The following SLC24A2 variants were observed in gnomAD, a reference collection of about 807,000 sequenced individuals.
SLC24A2 encodes sodium/potassium/calcium exchanger 2.
SLC24A2 carries 36 observed loss-of-function variants against 62.0 expected under a neutral mutation model. The ratio of observed to expected loss-of-function variants is 0.58; its 90% CI spans 0.44 to 0.77. The LOEUF (loss-of-function observed/expected upper bound fraction) is 0.77, where lower values mean the gene tolerates loss of function less well. SLC24A2 is among the 30% of genes least tolerant of loss of function. SLC24A2 has a pLI of 0.00. For synonymous variants in SLC24A2, 358 were observed against 294.0 expected, an observed-to-expected ratio of 1.22 and a Z score of -2.23; for missense variants, 846 against 817.9, an observed-to-expected ratio of 1.03 and a Z score of -0.42.
the SLC24A2 span, among the ~76,000 whole-genome samples, chr9:20,120,747 C>A: frequency 2.0e-5 from 3 of 152,010 alleles, no homozygotes; most frequent in East Asian, 5.8e-4. Flanking sequence ...TTTGCCTAAT[C>A]CAAGGTTGCA....
the SLC24A2 span, among the ~76,000 whole-genome samples, chr9:20,089,964 C>G: frequency 6.6e-6 from 1 of 152,126 alleles, no homozygotes; most frequent in Admixed American, 6.5e-5. Flanking sequence ...CTCTGTGTTT[C>G]TAAGACAGGG....
At chr9:20,271,426 C>A in the SLC24A2 span, among the ~76,000 whole-genome samples, 1 of 152,178 alleles carries the variant, frequency 6.6e-6, no homozygotes, top group Non-Finnish European at 1.5e-5. Flanking sequence ...TGGGTTTTGC[C>A]AGATATATGC....
In SLC24A2 at chr9:19,554,600, C is replaced by A. The variant is rs906277519; in HGVS notation, c.1348-4332G>T. Among the ~76,000 whole-genome samples, 4 of 152,310 alleles carry A rather than the reference C, an allele frequency of 2.6e-5. No individual in the cohort carries two copies. In the East Asian group the frequency reaches 7.7e-4, roughly 29 times the overall value. Reference sequence around the variant, plus strand: ...AATAAAGACTCTGGTTTTCAGCCTTCTCGGCAAGGTGTGGCAATGTGATTA... The same window carrying A: ...AATAAAGACTCTGGTTTTCAGCCTTATCGGCAAGGTGTGGCAATGTGATTA... On this transcript the variant is annotated intron_variant, in intron 7 of 10. Transcript: ENST00000341998.
At chr9:20,065,234 T>A in the SLC24A2 span, among the ~76,000 whole-genome samples, 4 of 152,232 alleles carry the variant, frequency 2.6e-5, no homozygotes, top group Non-Finnish European at 5.9e-5. Context: ...ACTTCCTCTC[T>A]GCGTAAGAGT....
At chr9:19,556,475 T>C (rs16937604) in intron 7 of SLC24A2, among the ~76,000 whole-genome samples, 27,854 of 152,086 alleles carry the variant, frequency 0.18, 3,902 homozygotes, top group African/African-American at 0.39. Flanking sequence ...AAGTGAAAAC[T>C]CAGGAGGCAT....
the SLC24A2 span, among the ~76,000 whole-genome samples, chr9:20,216,275 A>T: frequency 3.3e-5 from 5 of 152,346 alleles, no homozygotes; most frequent in East Asian, 9.6e-4. Context: ...GATGAAAAGG[A>T]TGACCTGTCA....
At chr9:20,302,157 C>T in the SLC24A2 span, among the ~76,000 whole-genome samples, 1 of 152,120 alleles carries the variant, frequency 6.6e-6, no homozygotes, top group Non-Finnish European at 1.5e-5. Flanking sequence ...ATCCTGTTTC[C>T]AAGTTTTTGG....
chr9:19,986,159 G>A, the SLC24A2 span, among the ~76,000 whole-genome samples: 2 of 152,006 alleles, frequency 1.3e-5, no homozygotes, highest in African/African-American at 4.8e-5. Flanking sequence ...ATATACAAAT[G>A]ACCAATAAGC....
the SLC24A2 span, among the ~76,000 whole-genome samples, chr9:19,944,305 A>G: frequency 6.6e-6 from 1 of 152,178 alleles, no homozygotes; most frequent in Non-Finnish European, 1.5e-5. Context: ...TTTAAAAGCC[A>G]CTTACAATGT....
chr9:19,553,064 C>T (rs1834921527), intron 7 of SLC24A2, among the ~76,000 whole-genome samples: 1 of 152,142 alleles, frequency 6.6e-6, no homozygotes, highest in South Asian at 2.1e-4. Flanking sequence ...CAGGGAAGTA[C>T]AGGAACCTAG....
At chr9:19,953,308 A>G in the SLC24A2 span, among the ~76,000 whole-genome samples, 1 of 152,056 alleles carries the variant, frequency 6.6e-6, no homozygotes, top group Non-Finnish European at 1.5e-5. Context: ...TTAGAAGCAC[A>G]TGAAAACATA....
At chr9:20,167,651 G>A in the SLC24A2 span, among the ~76,000 whole-genome samples, 1 of 151,984 alleles carries the variant, frequency 6.6e-6, no homozygotes, top group Non-Finnish European at 1.5e-5. Flanking sequence ...CAAGGTATAA[G>A]GTGAGACTAG....
the SLC24A2 span, among the ~76,000 whole-genome samples, chr9:20,030,417 C>A: frequency 6.6e-6 from 1 of 152,124 alleles, no homozygotes; most frequent in Non-Finnish European, 1.5e-5. Flanking sequence ...TCCTGTACAA[C>A]CATGCAGAAA....
At chr9:20,212,132 CAA>C in the SLC24A2 span, among the ~76,000 whole-genome samples, 1 of 148,886 alleles carries the variant, frequency 6.7e-6, no homozygotes, top group Non-Finnish European at 1.5e-5. Context: ...TAAAAAGACA[CAA>C]AAATATTAAA....
the SLC24A2 span, among the ~76,000 whole-genome samples, chr9:19,885,418 T>A: frequency 1.3e-5 from 2 of 152,202 alleles, no homozygotes; most frequent in African/African-American, 4.8e-5. Context: ...CTTTAATGTA[T>A]AGAGAACTTA....
intron 8 of SLC24A2, among the ~76,000 whole-genome samples, chr9:19,534,460 A>C (rs995831658): frequency 2.0e-5 from 3 of 152,016 alleles, no homozygotes; most frequent in Non-Finnish European, 1.5e-5. Context: ...TGCACCCATC[A>C]ACCTGTCACC....
chr9:19,915,928 ATTAT>A, the SLC24A2 span, among the ~76,000 whole-genome samples: 3 of 151,902 alleles, frequency 2.0e-5, no homozygotes, highest in African/African-American at 7.3e-5. Context: ...TTTAAGTCCA[ATTAT>A]TTATTTATTG....
At chr9:19,688,975 T>A (rs1044577056) in intron 2 of SLC24A2, among the ~76,000 whole-genome samples, 3 of 152,168 alleles carry the variant, frequency 2.0e-5, no homozygotes, top group Non-Finnish European at 4.4e-5. Flanking sequence ...TGAAACAGAT[T>A]AATATACATT....
At chr9:19,544,125 CAT>C (rs1474458887) in intron 8 of SLC24A2, among the ~76,000 whole-genome samples, 2 of 152,130 alleles carry the variant, frequency 1.3e-5, no homozygotes, top group African/African-American at 4.8e-5. Flanking sequence ...GAATGGTGTG[CAT>C]ATATATTTAG....
Sources: gnomAD v4.1 joint callset for allele counts (sites outside exome capture counted in the v4.1 genomes callset) on GRCh38, gnomAD v4.1.1 for gene constraint, MANE v1.5 for transcripts, NCBI Gene and HGNC (gene_info 2026-07-23, HGNC 2026-07-21) for gene names.